The following GOLM2 variants were observed in gnomAD, a reference collection of about 807,000 sequenced individuals.
The protein encoded by GOLM2 is golgi membrane protein 2, also known as protein GOLM2.
Under a neutral mutation model 55.9 loss-of-function variants are expected in GOLM2, and 26 were observed. The observed-to-expected ratio is 0.47, with a 90% CI of 0.34 to 0.65. GOLM2 has a LOEUF of 0.65. GOLM2 is among the 30% of genes least tolerant of loss of function. The pLI is 0.01. For synonymous variants in GOLM2, 165 were observed against 194.6 expected (o/e 0.85, Z 1.27); for missense variants, 486 against 531.8 (o/e 0.91, Z 0.85).
In GOLM2 at chr15:44,289,969, A is replaced by G. The variant is rs1028031512; in HGVS notation, c.327+613A>G. 6.6e-6 allele frequency among the ~76,000 whole-genome samples: 1 copy of G among 152,236 alleles called. No homozygotes were observed. Among genetic ancestry groups the G allele is most frequent in the African/African-American group, 2.4e-5 (1 of 41,468 alleles). On this transcript the variant is annotated intron_variant, in intron 1 of 9. Transcript: ENST00000299957. The surrounding 1 kb of genome is among the most constrained non-coding windows in gnomAD (Gnocchi z 4.8). ...CTTGTGTCTTGGACATAGTTGATCC[A>G]TCATTATCTACTCAATTTGAATTGT...
chr15:44,338,429 T>C, intron 6 of GOLM2, 112 bp downstream of exon 6: 1 of 736,128 alleles, frequency 1.4e-6, no homozygotes. Context: ...GGATGATCGA[T>C]ATTTCTACTT....
intron 8 of GOLM2, among the ~76,000 whole-genome samples, chr15:44,393,118 G>T (rs565191331): frequency 6.6e-6 from 1 of 152,206 alleles, no homozygotes; most frequent in African/African-American, 2.4e-5. Context: ...TAGACAATAT[G>T]ATTTTATATG....
At chr15:44,352,599 A>G (rs1391571814) in intron 6 of GOLM2, among the ~76,000 whole-genome samples, 1 of 152,154 alleles carries the variant, frequency 6.6e-6, no homozygotes, top group Non-Finnish European at 1.5e-5. Flanking sequence ...AGCTCTGCAC[A>G]ACAGAGGAAA....
intron 6 of GOLM2, among the ~76,000 whole-genome samples, chr15:44,378,397 G>A (rs1484140867): frequency 1.5e-5 from 2 of 130,458 alleles, no homozygotes; most frequent in South Asian, 2.4e-4. Context: ...CACTCTTATC[G>A]CCCAGGCCGC....
intron 6 of GOLM2, among the ~76,000 whole-genome samples, chr15:44,361,225 G>C (rs1402585763): frequency 6.6e-6 from 1 of 152,042 alleles, no homozygotes; most frequent in African/African-American, 2.4e-5. Context: ...GAAGGAAAAA[G>C]AGACACAAAA....
At chr15:44,321,708 A>G (rs1243662086) in intron 1 of GOLM2, among the ~76,000 whole-genome samples, 1 of 151,954 alleles carries the variant, frequency 6.6e-6, no homozygotes, top group African/African-American at 2.4e-5. Flanking sequence ...GTTACCTGGG[A>G]CCTCTCTTTG....
At chr15:44,355,170 G>T in intron 6 of GOLM2, 1 of 190,316 alleles carries the variant, frequency 5.3e-6, no homozygotes, top group East Asian at 1.3e-4. Context: ...CTCTGACCAA[G>T]ATCATCCATG....
intron 6 of GOLM2, among the ~76,000 whole-genome samples, chr15:44,371,096 C>G (rs1429751591): frequency 6.6e-6 from 1 of 152,188 alleles, no homozygotes; most frequent in East Asian, 1.9e-4. Flanking sequence ...GATTTCTGCT[C>G]TCCGTTTCAT....
intron 6 of GOLM2, among the ~76,000 whole-genome samples, chr15:44,365,915 G>A (rs1034352639): frequency 2.6e-5 from 4 of 152,132 alleles, no homozygotes; most frequent in African/African-American, 9.7e-5. Flanking sequence ...GTTAATAATC[G>A]GGGAGGCTAT....
intron 8 of GOLM2, among the ~76,000 whole-genome samples, chr15:44,392,684 T>G (rs2079499486): frequency 1.3e-5 from 2 of 151,608 alleles, no homozygotes; most frequent in Admixed American, 1.3e-4. Context: ...TAGATAAAAA[T>G]TATATACATG....
chr15:44,309,534 CT>C (rs1203607428), intron 1 of GOLM2, among the ~76,000 whole-genome samples: 1 of 151,942 alleles, frequency 6.6e-6, no homozygotes, highest in Non-Finnish European at 1.5e-5. Flanking sequence ...ATTGTTTTAG[CT>C]AAAAAGGCTA....
intron 6 of GOLM2, among the ~76,000 whole-genome samples, chr15:44,360,750 AT>A (rs199690858): frequency 6.6e-6 from 1 of 152,042 alleles, no homozygotes; most frequent in Non-Finnish European, 1.5e-5. Context: ...CAGAATATAC[AT>A]TTTTTTCAGC....
chr15:44,298,263 T>C (rs2078771708), intron 1 of GOLM2, among the ~76,000 whole-genome samples: 1 of 151,192 alleles, frequency 6.6e-6, no homozygotes, highest in East Asian at 1.9e-4. Context: ...TCTTTTCTTT[T>C]TCTTTTTTTT....
intron 1 of GOLM2, among the ~76,000 whole-genome samples, chr15:44,295,910 C>CCACA (rs2078752898): frequency 7.3e-6 from 1 of 137,276 alleles, no homozygotes. Flanking sequence ...GGGAGATCCA[C>CCACA]CACACATACA....
At chr15:44,323,086 A>T in intron 2 of GOLM2, 67 bp downstream of exon 2, 1 of 1,044,310 alleles carries the variant, frequency 9.6e-7, no homozygotes, top group South Asian at 1.6e-5. Flanking sequence ...GTGAAGAATT[A>T]AGAAATAGTA....
chr15:44,351,216 G>A (rs1265031175), intron 6 of GOLM2, among the ~76,000 whole-genome samples: 2 of 152,012 alleles, frequency 1.3e-5, no homozygotes, highest in African/African-American at 4.8e-5. Context: ...GAAGGTGAAA[G>A]GATTCCCACT....
At chr15:44,377,875 A>T (rs1250854871) in intron 6 of GOLM2, among the ~76,000 whole-genome samples, 10 of 144,176 alleles carry the variant, frequency 6.9e-5, no homozygotes, top group Admixed American at 6.8e-4. Context: ...GTACAGAAAT[A>T]AAAAAAAACC....
chr15:44,292,482 C>T (rs1218794723), intron 1 of GOLM2, among the ~76,000 whole-genome samples: 3 of 152,124 alleles, frequency 2.0e-5, no homozygotes, highest in Non-Finnish European at 2.9e-5. Context: ...AGGCGTGAGC[C>T]ACCGCACCCG....
At chr15:44,405,868 C>G (rs1347856727) in intron 9 of GOLM2, among the ~76,000 whole-genome samples, 1 of 152,054 alleles carries the variant, frequency 6.6e-6, no homozygotes, top group African/African-American at 2.4e-5. Context: ...GTGATCCACC[C>G]GCCTCAGCCT....
Sources: gnomAD v4.1 joint callset for allele counts (sites outside exome capture counted in the v4.1 genomes callset) on GRCh38, gnomAD v4.1.1 for gene constraint, Gnocchi (gnomAD v3.1) non-coding constraint, MANE v1.5 for transcripts, NCBI Gene and HGNC (gene_info 2026-07-23, HGNC 2026-07-21) for gene names.